The following ZNF385B variants were observed in gnomAD, a reference collection of about 807,000 sequenced individuals.
ZNF385B encodes the protein zinc finger protein 533.
In ZNF385B, 23 loss-of-function variants were observed where a neutral mutation model predicts 39.2. That is an observed-to-expected ratio of 0.59 (90% CI 0.42 to 0.83). The LOEUF is 0.83. ZNF385B is among the 40% of genes least tolerant of loss of function. The pLI, the probability that ZNF385B is intolerant of heterozygous loss-of-function variation, is 0.00. For synonymous variants in ZNF385B, 205 were observed against 222.6 expected (o/e 0.92, Z 0.70); for missense variants, 552 against 598.9 (o/e 0.92, Z 0.82).
chr2:179,726,415 CTT>C lies in ZNF385B; in HGVS notation c.298+43086_298+43087del, dbSNP rs199588969. Among the ~76,000 whole-genome samples the C allele has an allele frequency of 1.5e-3, 231 of 152,164 alleles. 2 individuals are homozygous for C. Among genetic ancestry groups the C allele is most frequent in the Admixed American group, 0.011 (163 of 15,276 alleles). ...AAGTTTGGAATCACATGTCCTCACT[CTT>C]TCACTTACTAGCTGTAAGACCTAGA... On this transcript the variant is annotated intron_variant, in intron 3 of 9. Transcript: ENST00000410066.
chr2:179,748,462 T>C lies in ZNF385B; in HGVS notation c.298+21041A>G, dbSNP rs189781122. On this transcript the variant is annotated intron_variant, in intron 3 of 9. Coordinates refer to ENST00000410066, the MANE Select transcript of ZNF385B (RefSeq NM_152520.6). ...ATTGGGTTATCTCACCCTCTTCTCA[T>C]TGTACCCAAAAGCAAAATATCCATA... 4.6e-3 allele frequency among the ~76,000 whole-genome samples: 696 copies of C among 152,216 alleles called. 3 individuals are homozygous for C. Among genetic ancestry groups the C allele is most frequent in the Non-Finnish European group, 8.3e-3 (562 of 67,988 alleles).
intron 3 of ZNF385B, among the ~76,000 whole-genome samples, chr2:179,701,105 A>G (rs1699164909): frequency 6.6e-6 from 1 of 152,242 alleles, no homozygotes. Context: ...AATCGTTACA[A>G]TACAAACCAC....
At chr2:179,612,538 TCAGG>T (rs139757751) in intron 3 of ZNF385B, among the ~76,000 whole-genome samples, 5,612 of 152,240 alleles carry the variant, frequency 0.037, 320 homozygotes, top group East Asian at 0.24. Flanking sequence ...CTCTGGATTA[TCAGG>T]CAGATACTCT....
intron 1 of ZNF385B, among the ~76,000 whole-genome samples, chr2:179,788,529 A>G (rs1705140624): frequency 6.6e-6 from 1 of 152,146 alleles, no homozygotes; most frequent in Non-Finnish European, 1.5e-5. Flanking sequence ...GGTGGGTATG[A>G]TATGGCTGTC....
rs531496001 is a variant in ZNF385B, at chr2:179,496,919, C to G, written c.553-13485G>C. On this transcript the variant is annotated intron_variant, in intron 5 of 9. Transcript: ENST00000410066. ...CAAAAATCAGCTGGGTGTGGTGATG[C>G]AAATCTGTAATCCCAGCTACTTGAG... Among the ~76,000 whole-genome samples the G allele has an allele frequency of 2.6e-5, 4 of 152,190 alleles. No individual in the cohort carries two copies. In the South Asian group the frequency reaches 8.3e-4, roughly 32 times the overall value.
chr2:179,778,587 C>T lies in ZNF385B; in HGVS notation c.-154-7915G>A, dbSNP rs538665803. ...CATGTCATCTTTACAAGTTTACAAA[C>T]AAGAATGGTATTCTCTGGATTTTGT... On this transcript the variant is annotated intron_variant, in intron 1 of 9. Coordinates refer to ENST00000410066, the MANE Select transcript of ZNF385B (RefSeq NM_152520.6). 3.3e-5 allele frequency among the ~76,000 whole-genome samples: 5 copies of T among 152,282 alleles called. No homozygotes were observed. The South Asian group carries it at 6.2e-4, about 19-fold the overall frequency.
chr2:179,687,483 T>C (rs1698012560), intron 3 of ZNF385B, among the ~76,000 whole-genome samples: 1 of 152,186 alleles, frequency 6.6e-6, no homozygotes, highest in African/African-American at 2.4e-5. Flanking sequence ...CTTCAAGCTA[T>C]AGCTCAGTAG....
At chr2:179,804,074 A>C (rs1352369237) in intron 1 of ZNF385B, among the ~76,000 whole-genome samples, 1 of 152,204 alleles carries the variant, frequency 6.6e-6, no homozygotes, top group Non-Finnish European at 1.5e-5. Flanking sequence ...TGTTCTGCTT[A>C]TCATCATCTT....
chr2:179,819,875 C>CT (rs772829251), intron 1 of ZNF385B, among the ~76,000 whole-genome samples: 2 of 152,122 alleles, frequency 1.3e-5, no homozygotes, highest in Non-Finnish European at 2.9e-5. Context: ...TTGTATTATA[C>CT]TTTTTTCATA....
At chr2:179,489,334 C>T (rs1053216825) in intron 5 of ZNF385B, among the ~76,000 whole-genome samples, 1 of 152,116 alleles carries the variant, frequency 6.6e-6, no homozygotes, top group African/African-American at 2.4e-5. Flanking sequence ...TTCCCTGTAC[C>T]ACAAAAACAT....
chr2:179,524,551 CAAAAAAAAAAAAAAAAAAAAAAA>C (rs770219234), intron 4 of ZNF385B, among the ~76,000 whole-genome samples: 10 of 60,992 alleles, frequency 1.6e-4, no homozygotes, highest in African/African-American at 5.4e-4. Flanking sequence ...GACTCCGTCT[CAAAAAAAAAAAAAAAAAAAAAAA>C]AAAAAAAAAA....
chr2:179,846,262 T>C (rs1229678710), intron 1 of ZNF385B, among the ~76,000 whole-genome samples: 1 of 152,248 alleles, frequency 6.6e-6, no homozygotes, highest in East Asian at 1.9e-4. Flanking sequence ...TCTCAGCATC[T>C]GAAGTCATTT....
intron 3 of ZNF385B, among the ~76,000 whole-genome samples, chr2:179,627,185 G>A (rs1340565086): frequency 6.6e-6 from 1 of 152,170 alleles, no homozygotes; most frequent in East Asian, 1.9e-4. Context: ...CACTGTGCCT[G>A]AAACCTGTAA....
intron 3 of ZNF385B, among the ~76,000 whole-genome samples, chr2:179,651,836 T>C (rs1693218558): frequency 6.6e-6 from 1 of 152,164 alleles, no homozygotes; most frequent in Non-Finnish European, 1.5e-5. Flanking sequence ...TCTCTGTGGA[T>C]GTTGTGGTGA....
chr2:179,769,369 G>A (rs1198643076), intron 3 of ZNF385B, 134 bp downstream of exon 3: 24 of 1,354,158 alleles, frequency 1.8e-5, no homozygotes, highest in South Asian at 2.9e-5. Context: ...TATTTTACCT[G>A]TAGGAGAAAG....
intron 4 of ZNF385B, among the ~76,000 whole-genome samples, chr2:179,537,082 G>A (rs567114764): frequency 2.0e-5 from 3 of 149,636 alleles, no homozygotes; most frequent in East Asian, 2.0e-4. Flanking sequence ...AGGCTGAGGC[G>A]GGAGGATCAC....
In ZNF385B at chr2:179,518,623, T is replaced by G. The variant is rs753489312; in HGVS notation, c.457A>C (p.Lys153Gln). 1 of 1,596,500 alleles carries G rather than the reference T, an allele frequency of 6.3e-7. No homozygotes were observed. Among genetic ancestry groups the G allele is most frequent in the Non-Finnish European group, 8.5e-7 (1 of 1,173,948 alleles). Residue 153 changes from lysine (K) to glutamine (Q), a missense_variant, in exon 5 of 10, where the codon AAA becomes CAA. Coordinates refer to ENST00000410066, the MANE Select transcript of ZNF385B (RefSeq NM_152520.6). Reference protein sequence around the residue: ...PNFNTMDPVQKAVINHTFGVS... With the variant: ...PNFNTMDPVQQAVINHTFGVS... ...CCAAATGTATGGTTAATAACCGCTT[T>G]TTGCACAGGATCCATCTGAAGAACA...
chr2:179,443,831 G>C (rs2049199270), intron 9 of ZNF385B, among the ~76,000 whole-genome samples: 1 of 152,176 alleles, frequency 6.6e-6, no homozygotes. Flanking sequence ...ACGAGACCTA[G>C]AGACTTTTGT....
intron 1 of ZNF385B, among the ~76,000 whole-genome samples, chr2:179,858,580 AAAG>A (rs1287115322): frequency 1.3e-5 from 2 of 152,172 alleles, no homozygotes; most frequent in African/African-American, 2.4e-5. Flanking sequence ...AAAAAGAAAG[AAAG>A]AAGAAGAAAA....
Sources: allele counts gnomAD v4.1 joint callset (sites outside exome capture counted in the v4.1 genomes callset), GRCh38; gene constraint gnomAD v4.1.1; transcripts MANE v1.5; gene names NCBI Gene and HGNC (gene_info 2026-07-23, HGNC 2026-07-21).